CADM2: variants seen among roughly 807,000 people sequenced by gnomAD.
The protein encoded by CADM2 is cell adhesion molecule 2.
A neutral mutation model predicts 49.8 loss-of-function variants in CADM2; 12 were observed. The observed-to-expected ratio is 0.24, with a 90% CI of 0.15 to 0.39. The LOEUF is 0.39. CADM2 is among the 10% of genes least tolerant of loss of function. CADM2 has a pLI of 1.00. For missense variants in CADM2, 378 were observed against 492.3 expected (o/e 0.77, Z 2.20); for synonymous variants, 214 against 175.4 (o/e 1.22, Z -1.74).
At chr3:85,575,054 G>A (rs1303622578) in intron 1 of CADM2, among the ~76,000 whole-genome samples, 1 of 152,030 alleles carries the variant, frequency 6.6e-6, no homozygotes, top group Non-Finnish European at 1.5e-5. Flanking sequence ...ATAGTTAGTG[G>A]CCCCTCCTTC....
intron 1 of CADM2, among the ~76,000 whole-genome samples, chr3:84,988,015 G>A (rs1219313097): frequency 6.6e-6 from 1 of 152,174 alleles, no homozygotes; most frequent in Non-Finnish European, 1.5e-5. Flanking sequence ...ATTTGGAGCT[G>A]TGGCCACAGA....
At chr3:85,507,862 G>A (rs1168272045) in intron 1 of CADM2, among the ~76,000 whole-genome samples, 2 of 152,148 alleles carry the variant, frequency 1.3e-5, no homozygotes, top group Admixed American at 6.5e-5. Flanking sequence ...ATCTAGGTAT[G>A]CAATTACAAA....
intron 2 of CADM2, among the ~76,000 whole-genome samples, chr3:85,756,557 T>A (rs992362599): frequency 6.6e-6 from 1 of 152,210 alleles, no homozygotes; most frequent in Non-Finnish European, 1.5e-5. Context: ...TAGTAACTGC[T>A]TGATATTGTA....
At chr3:86,063,292 A>G (rs1738913568) in intron 8 of CADM2, among the ~76,000 whole-genome samples, 2 of 152,352 alleles carry the variant, frequency 1.3e-5, no homozygotes, top group Non-Finnish European at 2.9e-5. Context: ...TACACATGAT[A>G]GAGGAGAAGT....
At chr3:85,000,566 T>TA (rs2033412847) in intron 1 of CADM2, among the ~76,000 whole-genome samples, 1 of 152,140 alleles carries the variant, frequency 6.6e-6, no homozygotes, top group Non-Finnish European at 1.5e-5. Flanking sequence ...AATTGTTGAA[T>TA]AAAAAACTAA....
chr3:85,952,133 G>A (rs531837185), intron 7 of CADM2, among the ~76,000 whole-genome samples: 1 of 151,042 alleles, frequency 6.6e-6, no homozygotes, highest in East Asian at 2.0e-4. Flanking sequence ...TGTCATCATG[G>A]CGGAGGTGGA....
chr3:85,920,056 G>A (rs1288296277), intron 6 of CADM2, among the ~76,000 whole-genome samples: 1 of 151,644 alleles, frequency 6.6e-6, no homozygotes, highest in African/African-American at 2.4e-5. Context: ...CGTTTCTCTA[G>A]CCCAGGTCAG....
intron 1 of CADM2, among the ~76,000 whole-genome samples, chr3:85,049,296 G>A (rs775372968): frequency 6.6e-6 from 1 of 151,816 alleles, no homozygotes; most frequent in Non-Finnish European, 1.5e-5. Flanking sequence ...AAGTGATGGA[G>A]ATAATTAAAC....
chr3:85,742,122 A>G (rs1296584755), intron 2 of CADM2, among the ~76,000 whole-genome samples: 1 of 152,198 alleles, frequency 6.6e-6, no homozygotes, highest in African/African-American at 2.4e-5. Flanking sequence ...GCACACACTG[A>G]CTTTTTCAGG....
intron 1 of CADM2, among the ~76,000 whole-genome samples, chr3:85,514,065 T>G (rs2060837935): frequency 6.6e-6 from 1 of 152,094 alleles, no homozygotes; most frequent in Admixed American, 6.5e-5. Flanking sequence ...ACTTACTTCT[T>G]ACAATGACAT....
chr3:85,172,735 C>T (rs1434996092), intron 1 of CADM2, among the ~76,000 whole-genome samples: 2 of 151,346 alleles, frequency 1.3e-5, no homozygotes, highest in African/African-American at 4.9e-5. Flanking sequence ...TCTATGGCTG[C>T]TGCTGTTGGA....
chr3:85,819,739 A>C (rs1577392140), intron 3 of CADM2, among the ~76,000 whole-genome samples: 1 of 152,274 alleles, frequency 6.6e-6, no homozygotes. Flanking sequence ...ATTAAGATTC[A>C]TTTATTCATT....
At chr3:86,061,142 C>T (rs1489341573) in intron 8 of CADM2, among the ~76,000 whole-genome samples, 1 of 152,050 alleles carries the variant, frequency 6.6e-6, no homozygotes, top group African/African-American at 2.4e-5. Context: ...TACTAAAAGA[C>T]ACTGAATGTT....
chr3:85,733,757 A>G (rs995866614), intron 2 of CADM2, among the ~76,000 whole-genome samples: 1 of 152,152 alleles, frequency 6.6e-6, no homozygotes, highest in African/African-American at 2.4e-5. Context: ...TCTACAATAA[A>G]TAAATCATTA....
chr3:85,358,503 A>T (rs1245238298), intron 1 of CADM2, among the ~76,000 whole-genome samples: 2 of 152,202 alleles, frequency 1.3e-5, no homozygotes, highest in African/African-American at 2.4e-5. Context: ...CAAGAATTCA[A>T]TTGGTGGGTG....
intron 5 of CADM2, among the ~76,000 whole-genome samples, chr3:85,908,983 C>G (rs961669916): frequency 6.6e-6 from 1 of 152,148 alleles, no homozygotes; most frequent in Non-Finnish European, 1.5e-5. Context: ...CTCGGCCTCC[C>G]AAAGTGCTGG....
intron 1 of CADM2, among the ~76,000 whole-genome samples, chr3:85,392,621 C>T (rs974976162): frequency 4.6e-5 from 7 of 152,048 alleles, no homozygotes; most frequent in Non-Finnish European, 8.8e-5. Context: ...GCAGCACTCC[C>T]AGCCCCTTCA....
chr3:85,210,334 A>G (rs1258825943), intron 1 of CADM2, among the ~76,000 whole-genome samples: 4 of 152,192 alleles, frequency 2.6e-5, no homozygotes, highest in Admixed American at 2.6e-4. Context: ...CCATTTAGTC[A>G]TGATGAATAT....
chr3:85,321,630 T>C (rs2044614561), intron 1 of CADM2, among the ~76,000 whole-genome samples: 1 of 152,194 alleles, frequency 6.6e-6, no homozygotes, highest in Non-Finnish European at 1.5e-5. Context: ...TATAATTTGA[T>C]TTTATTAACT....
Sources: gnomAD v4.1 joint callset for allele counts (sites outside exome capture counted in the v4.1 genomes callset) on GRCh38, gnomAD v4.1.1 for gene constraint, MANE v1.5 for transcripts, NCBI Gene and HGNC (gene_info 2026-07-23, HGNC 2026-07-21) for gene names.